The following JAKMIP2 variants were observed in gnomAD, a reference collection of about 807,000 sequenced individuals.
The protein encoded by JAKMIP2 is janus kinase and microtubule interacting protein 2, also known as janus kinase and microtubule-interacting protein 2.
In JAKMIP2, 25 loss-of-function variants were observed where a neutral mutation model predicts 115.0. That is an observed-to-expected ratio of 0.22 (90% CI 0.16 to 0.30). The LOEUF (loss-of-function observed/expected upper bound fraction) is 0.30, where lower values mean the gene tolerates loss of function less well. Ranked by LOEUF, JAKMIP2 falls within the 10% of genes least tolerant of loss-of-function variation. The pLI is 1.00. For synonymous variants in JAKMIP2, 334 were observed against 343.6 expected, an observed-to-expected ratio of 0.97 and a Z score of 0.31; for missense variants, 642 against 957.6, an observed-to-expected ratio of 0.67 and a Z score of 4.35.
chr5:147,782,676 A>AGCAGCAGCG lies in JAKMIP2; in HGVS notation c.-370_-369insCGCTGCTGC, dbSNP rs1445560423. 34 of 661,988 alleles carry AGCAGCAGCG rather than the reference A, an allele frequency of 5.1e-5. 2 individuals carry two copies. The Admixed American group carries it at 6.0e-4, about 12-fold the overall frequency. 41.0% of individuals were successfully genotyped at this position (661,988 alleles called of 1,614,324 possible). ...AGGCGGCGGCGGCGGCAGCAGCAGC[A>AGCAGCAGCG]GCAGCAGCATCACCAGTTGGGCCTC... On this transcript the variant is annotated 5_prime_UTR_variant, in exon 1 of 22. Transcript: ENST00000616793.
At chr5:147,636,503 C>A (rs574403160) in intron 11 of JAKMIP2, 41 of 594,324 alleles carry the variant, frequency 6.9e-5, no homozygotes, top group Non-Finnish European at 1.0e-4. Context: ...CCTATTTCTA[C>A]CTTTTCCAGT....
intron 20 of JAKMIP2, among the ~76,000 whole-genome samples, chr5:147,611,587 T>A (rs1429120275): frequency 6.6e-6 from 1 of 152,170 alleles, no homozygotes; most frequent in Non-Finnish European, 1.5e-5. Flanking sequence ...CTGCCTTCTG[T>A]GTTGGTCTGG....
chr5:147,680,382 T>A (rs1346022371), intron 1 of JAKMIP2, among the ~76,000 whole-genome samples: 1 of 152,244 alleles, frequency 6.6e-6, no homozygotes, highest in Non-Finnish European at 1.5e-5. Flanking sequence ...CTTGGCTTTG[T>A]AGCTGGTTCT....
intron 5 of JAKMIP2, among the ~76,000 whole-genome samples, chr5:147,645,715 G>T (rs1396496696): frequency 6.6e-6 from 1 of 152,080 alleles, no homozygotes. Flanking sequence ...TGAGCCGGAT[G>T]TTTTTTTGAT....
intron 1 of JAKMIP2, among the ~76,000 whole-genome samples, chr5:147,701,217 G>T (rs1323985426): frequency 1.3e-5 from 2 of 152,142 alleles, no homozygotes; most frequent in African/African-American, 4.8e-5. Flanking sequence ...TGGATCCAGA[G>T]GCAGTGAAAG....
chr5:147,678,959 T>A (rs1760117772), intron 1 of JAKMIP2, among the ~76,000 whole-genome samples: 1 of 147,900 alleles, frequency 6.8e-6, no homozygotes, highest in Non-Finnish European at 1.5e-5. Flanking sequence ...CCAACTACAT[T>A]TTTATTTATT....
At chr5:147,753,205 G>A (rs1754622668) in intron 1 of JAKMIP2, among the ~76,000 whole-genome samples, 1 of 152,146 alleles carries the variant, frequency 6.6e-6, no homozygotes, top group Admixed American at 6.5e-5. Context: ...ATAAATATTG[G>A]TTTTGAAGTG....
chr5:147,613,749 C>T (rs947222833), intron 19 of JAKMIP2, among the ~76,000 whole-genome samples: 1 of 152,114 alleles, frequency 6.6e-6, no homozygotes, highest in Non-Finnish European at 1.5e-5. Context: ...AAAGAATTAT[C>T]TGCTTCAAAA....
chr5:147,644,231 A>G, intron 6 of JAKMIP2, 33 bp from the exon 7 acceptor site: 1 of 1,481,994 alleles, frequency 6.7e-7, no homozygotes, highest in Non-Finnish European at 9.0e-7. Flanking sequence ...ACAGGTGGAG[A>G]CTTTAAAAAC....
At chr5:147,648,131 GTTAAGT>G (rs745812240) in intron 5 of JAKMIP2, among the ~76,000 whole-genome samples, 21 of 152,232 alleles carry the variant, frequency 1.4e-4, no homozygotes, top group East Asian at 9.7e-4. Flanking sequence ...CAGAATAGTG[GTTAAGT>G]TTAACAGGAT....
chr5:147,771,585 A>G (rs1016211124), intron 1 of JAKMIP2, among the ~76,000 whole-genome samples: 1 of 152,048 alleles, frequency 6.6e-6, no homozygotes, highest in African/African-American at 2.4e-5. Context: ...ACCTGTTGAG[A>G]AGAAAGGGAG....
At chr5:147,627,562 G>A (rs532650538) in intron 16 of JAKMIP2, among the ~76,000 whole-genome samples, 1 of 151,288 alleles carries the variant, frequency 6.6e-6, no homozygotes, top group East Asian at 2.0e-4. Flanking sequence ...AAAGTGATTA[G>A]GTCTGTAATT....
intron 20 of JAKMIP2, 50 bp downstream of exon 20, chr5:147,612,256 T>C: frequency 1.7e-6 from 2 of 1,208,476 alleles, no homozygotes; most frequent in Non-Finnish European, 2.4e-6. Context: ...AAATCAATAT[T>C]GCTTTCTGAT....
chr5:147,623,516 G>A (rs1410557933), intron 17 of JAKMIP2, 105 bp downstream of exon 17: 14 of 640,820 alleles, frequency 2.2e-5, no homozygotes, highest in Non-Finnish European at 3.0e-5. Flanking sequence ...ATGGAAAGAT[G>A]ACAAACTTTC....
At chr5:147,696,099 A>G (rs983376550) in intron 1 of JAKMIP2, among the ~76,000 whole-genome samples, 1 of 152,174 alleles carries the variant, frequency 6.6e-6, no homozygotes, top group Admixed American at 6.5e-5. Flanking sequence ...GTTGGACAAA[A>G]TTTAGTAAAC....
intron 16 of JAKMIP2, among the ~76,000 whole-genome samples, chr5:147,624,369 G>A (rs193097053): frequency 2.0e-4 from 30 of 152,236 alleles, no homozygotes; most frequent in Non-Finnish European, 4.1e-4. Flanking sequence ...AGAGATGACT[G>A]GGAAAAAATG....
intron 13 of JAKMIP2, among the ~76,000 whole-genome samples, chr5:147,631,737 AT>A (rs1757361227): frequency 6.6e-6 from 1 of 152,174 alleles, no homozygotes; most frequent in Admixed American, 6.5e-5. Flanking sequence ...ATTCTTCCAA[AT>A]TTTTTGATCA....
rs1007628873 is a variant in JAKMIP2 at position 147,727,585 on chromosome 5, A to G, written c.-149+54871T>C. ...ACCGTCATGAGAACAGCATGATCCA[A>G]TCACCCACCACTAGGTCCCTCACTC... On this transcript the variant is annotated intron_variant, in intron 1 of 21. Transcript: ENST00000616793. Among the ~76,000 whole-genome samples the G allele has an allele frequency of 4.6e-5, 7 of 152,194 alleles. No individual in the cohort carries two copies. The South Asian group carries it at 1.4e-3, about 31-fold the overall frequency.
At chr5:147,612,151 G>A (rs769785091) in intron 20 of JAKMIP2, 155 bp downstream of exon 20, 22 of 745,436 alleles carry the variant, frequency 3.0e-5, no homozygotes, top group South Asian at 2.2e-4. Context: ...CTGGCATTCT[G>A]TTTGACTGAA....
Sources: allele counts gnomAD v4.1 joint callset (sites outside exome capture counted in the v4.1 genomes callset), GRCh38; gene constraint gnomAD v4.1.1; transcripts MANE v1.5; gene names NCBI Gene and HGNC (gene_info 2026-07-23, HGNC 2026-07-21).